The following OTOGL variants were observed in gnomAD, a reference collection of about 807,000 sequenced individuals.
OTOGL encodes otogelin like.
A neutral mutation model predicts 318.5 loss-of-function variants in OTOGL; 285 were observed. The observed-to-expected ratio is 0.89, with a 90% CI of 0.81 to 0.99. The LOEUF is 0.99. Ranked by LOEUF, OTOGL falls within the 50% of genes least tolerant of loss-of-function variation. The probability of loss-of-function intolerance (pLI) is 0.00; values close to 1 mark genes in which losing one functional copy is unlikely to be tolerated. For synonymous variants in OTOGL, 987 were observed against 936.5 expected (o/e 1.05, Z -0.99); for missense variants, 2,899 against 2,845.6 (o/e 1.02, Z -0.43).
chr12:80,164,937 G>A (rs564541803), intron 1 of OTOGL, among the ~76,000 whole-genome samples: 3 of 152,112 alleles, frequency 2.0e-5, no homozygotes, highest in Non-Finnish European at 4.4e-5. Context: ...AGGAAAAAAG[G>A]GGAAATTTCT....
At chr12:80,299,760 A>G (rs1565964926) in intron 27 of OTOGL, among the ~76,000 whole-genome samples, 1 of 152,198 alleles carries the variant, frequency 6.6e-6, no homozygotes, top group South Asian at 2.1e-4. Flanking sequence ...TCTTGCTAAC[A>G]TCACTAGAGT....
chr12:80,329,888 G>A (rs1212871861), intron 37 of OTOGL, among the ~76,000 whole-genome samples: 1 of 152,174 alleles, frequency 6.6e-6, no homozygotes, highest in Non-Finnish European at 1.5e-5. Context: ...ATAGACCAGA[G>A]GCTGTTGCAA....
Position 80,267,297 on chromosome 12 carries a change from G to C in OTOGL, c.2435G>C (p.Gly812Ala). ...TATAGGGGCAGTGTTTATCAACCTG[G>C]AGAGCTCATCCCCACACCCTCGGGC... ...CHYRGSVYQPGELIPTPSGLC... is the reference protein window; with the variant it reads ...CHYRGSVYQPAELIPTPSGLC... The change falls in exon 22 of 59, where the codon GGA (glycine) becomes GCA (alanine). Residue 812 changes from glycine to alanine, a missense_variant. This residue lies in a region of OTOGL where 2,607 missense variants were observed against 2,524.9 expected (regional missense o/e 1.03). Transcript: ENST00000547103. 7.7e-6 allele frequency: 12 copies of C among 1,565,498 alleles called. No homozygotes were observed. The highest frequency in any genetic ancestry group is 1.0e-5 in the Non-Finnish European group (12 of 1,144,260).
At chr12:80,309,382 G>C (rs1247183658) in intron 29 of OTOGL, among the ~76,000 whole-genome samples, 1 of 152,130 alleles carries the variant, frequency 6.6e-6, no homozygotes, top group East Asian at 1.9e-4. Flanking sequence ...AAGATTTATA[G>C]GAGCTAAGAA....
chr12:80,215,527 T>G (rs956553757), intron 4 of OTOGL, among the ~76,000 whole-genome samples: 2 of 152,156 alleles, frequency 1.3e-5, no homozygotes, highest in South Asian at 4.1e-4. Context: ...CTCACATAAT[T>G]TCACTGAATC....
chr12:80,280,671 A>G (rs910995621), intron 26 of OTOGL, among the ~76,000 whole-genome samples: 24 of 151,810 alleles, frequency 1.6e-4, no homozygotes, highest in African/African-American at 5.6e-4. Context: ...TGCCAGTACC[A>G]TGCTGTTTTG....
chr12:80,187,788 G>C lies in OTOGL; in HGVS notation c.-19-21625G>C, dbSNP rs150809205. ...ACACCTCTTGGAGGAGGACAGAAAG[G>C]TTTGTGGGCTGGTGTCAGATACAAG... On this transcript the variant is annotated intron_variant, in intron 1 of 58. Coordinates refer to ENST00000547103, the MANE Select transcript of OTOGL (RefSeq NM_001378609.3). 5.3e-5 allele frequency among the ~76,000 whole-genome samples: 8 copies of C among 152,280 alleles called. No homozygotes were observed. In the East Asian group the frequency reaches 1.4e-3, roughly 26 times the overall value.
At chr12:80,209,241 G>T (rs1195744404) in intron 1 of OTOGL, among the ~76,000 whole-genome samples, 172 bp from the exon 2 acceptor site, 1 of 152,080 alleles carries the variant, frequency 6.6e-6, no homozygotes, top group African/African-American at 2.4e-5. Flanking sequence ...TCAGCCAAAG[G>T]GTTGTCTGCA....
chr12:80,180,117 A>G (rs1295454176), intron 1 of OTOGL, among the ~76,000 whole-genome samples: 1 of 151,894 alleles, frequency 6.6e-6, no homozygotes, highest in Non-Finnish European at 1.5e-5. Context: ...TGCTACTTTC[A>G]TATTCCAAGG....
intron 1 of OTOGL, among the ~76,000 whole-genome samples, chr12:80,176,455 C>T (rs1190984501): frequency 2.0e-5 from 3 of 152,048 alleles, no homozygotes; most frequent in Non-Finnish European, 4.4e-5. Flanking sequence ...CTTTCTGTGT[C>T]TATAGATTAG....
intron 52 of OTOGL, among the ~76,000 whole-genome samples, chr12:80,364,370 G>A (rs974762985): frequency 6.6e-6 from 1 of 152,122 alleles, no homozygotes; most frequent in Non-Finnish European, 1.5e-5. Flanking sequence ...CCTGAAAAAT[G>A]TATGTTAGGC....
intron 47 of OTOGL, 36 bp downstream of exon 47, chr12:80,355,984 AC>A (rs757345623): frequency 9.0e-5 from 143 of 1,580,782 alleles, no homozygotes; most frequent in Non-Finnish European, 1.2e-4. Flanking sequence ...AATTGATTCC[AC>A]AAAATATGTT....
intron 18 of OTOGL, 72 bp downstream of exon 18, chr12:80,258,074 G>T: frequency 7.7e-7 from 1 of 1,303,600 alleles, no homozygotes; most frequent in Non-Finnish European, 1.0e-6. Context: ...CATTAAAAAT[G>T]TTTACTTAAC....
At chr12:80,314,929 C>T (rs950344204) in intron 32 of OTOGL, among the ~76,000 whole-genome samples, 3 of 152,064 alleles carry the variant, frequency 2.0e-5, no homozygotes, top group Non-Finnish European at 4.4e-5. Flanking sequence ...TGCAACAACA[C>T]GGATGAACCT....
chr12:80,355,304 G>C (rs1251359749), intron 46 of OTOGL, among the ~76,000 whole-genome samples: 2 of 139,666 alleles, frequency 1.4e-5, no homozygotes, highest in South Asian at 2.2e-4. Flanking sequence ...AGCTCACTGA[G>C]ACCTCAAACT....
At position 80,144,828 on chromosome 12, in the gene OTOGL, A is replaced by G. The variant is rs374815162; in HGVS notation, c.-20+45223A>G. Among the ~76,000 whole-genome samples, 62 of 152,064 alleles carry G rather than the reference A, an allele frequency of 4.1e-4. 1 individual carries two copies. The highest frequency in any genetic ancestry group is 6.8e-3 in the Middle Eastern group (2 of 294). On this transcript the variant is annotated intron_variant, in intron 1 of 58. Coordinates refer to ENST00000547103, the MANE Select transcript of OTOGL (RefSeq NM_001378609.3). ...CCAGTGATGATGAGCATTTTTTCAT[A>G]TGTTTTTTGGCTGCATAAATGTCTT...
intron 26 of OTOGL, among the ~76,000 whole-genome samples, chr12:80,295,060 C>T (rs763710378): frequency 5.3e-5 from 8 of 151,686 alleles, no homozygotes; most frequent in South Asian, 2.1e-4. Context: ...CATGCCACTG[C>T]GCTCCAGCAG....
At chr12:80,116,654 G>T (rs1870185807) in intron 1 of OTOGL, among the ~76,000 whole-genome samples, 1 of 152,082 alleles carries the variant, frequency 6.6e-6, no homozygotes, top group Non-Finnish European at 1.5e-5. Flanking sequence ...TTTTATTAGG[G>T]AATGCAATCC....
chr12:80,362,939 T>C (rs1027167131), intron 52 of OTOGL, among the ~76,000 whole-genome samples: 3 of 152,122 alleles, frequency 2.0e-5, no homozygotes, highest in Non-Finnish European at 4.4e-5. Flanking sequence ...CAAATTGGTA[T>C]ATTTGGGGAG....
Sources: allele counts gnomAD v4.1 joint callset (sites outside exome capture counted in the v4.1 genomes callset), GRCh38; gene constraint gnomAD v4.1.1; regional missense constraint gnomAD v4.1.1; transcripts MANE v1.5; gene names NCBI Gene and HGNC (gene_info 2026-07-23, HGNC 2026-07-21).